Variants in DLC1 observed in about 807,000 individuals in gnomAD.
DLC1 encodes the protein rho GTPase-activating protein 7.
Under a neutral mutation model 140.3 loss-of-function variants are expected in DLC1, and 54 were observed. That is an observed-to-expected ratio of 0.38 (90% CI 0.31 to 0.48). The LOEUF is 0.48. DLC1 is among the 20% of genes least tolerant of loss of function. DLC1 has a pLI of 0.96. For synonymous variants in DLC1, 986 were observed against 728.1 expected, an observed-to-expected ratio of 1.35 and a Z score of -5.70; for missense variants, 2,536 against 1,907.0, an observed-to-expected ratio of 1.33 and a Z score of -6.14.
chr8:13,272,281 C>G (rs1340478878), intron 5 of DLC1, among the ~76,000 whole-genome samples: 2 of 152,036 alleles, frequency 1.3e-5, no homozygotes, highest in East Asian at 1.9e-4. Context: ...AACCCTGCCT[C>G]TACTAAAAAT....
chr8:13,587,782 A>C (rs1805381666), intron 1 of DLC1, among the ~76,000 whole-genome samples: 1 of 151,926 alleles, frequency 6.6e-6, no homozygotes, highest in African/African-American at 2.4e-5. Context: ...ATAATGTGCT[A>C]GTCAATCTTT....
chr8:13,499,887 G>T lies in DLC1; in HGVS notation c.185C>A (p.Pro62His). ...CAGCTCTGATCCATGACAGCAGTCA[G>T]GTAGTGAAACACACTTCTCTTTGCG... ...VDRKEKCVSL[P>H]DCCHGSELRD... Residue 62 changes from proline (P) to histidine (H), a missense_variant, in exon 2 of 18, where the codon CCT (proline) becomes CAT (histidine). Pro to His is a moderately conservative substitution (Grantham distance 77, BLOSUM62 -2). Coordinates refer to ENST00000276297, the MANE Select transcript of DLC1 (RefSeq NM_182643.3). 1 of 1,614,102 alleles carries T rather than the reference G, an allele frequency of 6.2e-7. No homozygotes were observed. The highest frequency in any genetic ancestry group is 8.5e-7 in the Non-Finnish European group (1 of 1,179,994).
intron 1 of DLC1, among the ~76,000 whole-genome samples, chr8:13,574,147 G>A (rs1245829841): frequency 6.6e-6 from 1 of 152,058 alleles, no homozygotes; most frequent in Non-Finnish European, 1.5e-5. Context: ...ACCTCTCCAG[G>A]GGTTGCATTT....
At chr8:13,147,642 A>T (rs1666091520) in intron 5 of DLC1, among the ~76,000 whole-genome samples, 1 of 152,090 alleles carries the variant, frequency 6.6e-6, no homozygotes, top group African/African-American at 2.4e-5. Flanking sequence ...AGAGTGTGGG[A>T]TCTCAAGGTA....
chr8:13,588,469 AAT>A (rs1369616569), intron 1 of DLC1, among the ~76,000 whole-genome samples: 1 of 152,152 alleles, frequency 6.6e-6, no homozygotes, highest in Non-Finnish European at 1.5e-5. Context: ...GAGGCAGCAG[AAT>A]ATTATCATTG....
intron 16 of DLC1, among the ~76,000 whole-genome samples, chr8:13,087,306 G>A (rs373063521): frequency 6.6e-6 from 1 of 152,340 alleles, no homozygotes; most frequent in Admixed American, 6.5e-5. Context: ...GGAGGCTGAG[G>A]GGGGAGGATT....
Position 13,100,580 on chromosome 8 carries a change from C to T in DLC1, c.1757G>A (p.Ser586Asn), listed in dbSNP as rs1818980700. ...GACGGAAGACACCTCCTGGCGCTCG[C>T]TGAGGTCCATCAGCGTGCCTCCGGG... ...PSPGGTLMDL[S>N]ERQEVSSVRS... Residue 586 changes from serine to asparagine, a missense_variant, in exon 9 of 18, where the codon AGC (serine) becomes AAC (asparagine). Coordinates refer to ENST00000276297, the MANE Select transcript of DLC1 (RefSeq NM_182643.3). 6.2e-7 allele frequency: 1 copy of T among 1,613,656 alleles called. No homozygotes were observed. Among genetic ancestry groups the T allele is most frequent in the Admixed American group, 1.7e-5 (1 of 59,990 alleles).
chr8:13,495,833 A>G (rs1292698785), intron 2 of DLC1, among the ~76,000 whole-genome samples: 4 of 152,216 alleles, frequency 2.6e-5, no homozygotes, highest in Non-Finnish European at 5.9e-5. Flanking sequence ...CACTATTTCA[A>G]TACATTTTGA....
intron 1 of DLC1, among the ~76,000 whole-genome samples, chr8:13,511,054 G>A (rs945935364): frequency 4.0e-5 from 6 of 151,692 alleles, no homozygotes; most frequent in African/African-American, 1.5e-4. Context: ...ATAATTCCTG[G>A]CAAGCTAGGT....
chr8:13,577,069 G>A (rs1013851848), intron 1 of DLC1, among the ~76,000 whole-genome samples: 7 of 152,108 alleles, frequency 4.6e-5, no homozygotes, highest in South Asian at 2.1e-4. Context: ...GGACGATGGC[G>A]TTAAGGTTGT....
At chr8:13,317,192 C>T (rs887265388) in intron 4 of DLC1, among the ~76,000 whole-genome samples, 5 of 152,158 alleles carry the variant, frequency 3.3e-5, no homozygotes, top group East Asian at 1.9e-4. Context: ...AGATTCAAAT[C>T]AAGTATAAGG....
intron 4 of DLC1, among the ~76,000 whole-genome samples, chr8:13,369,418 TTTG>T (rs1397146764): frequency 6.6e-6 from 1 of 152,142 alleles, no homozygotes; most frequent in Non-Finnish European, 1.5e-5. Context: ...TGCTTTTTCT[TTTG>T]TTGTTAAATC....
At chr8:13,544,272 A>G (rs917904856) in intron 1 of DLC1, among the ~76,000 whole-genome samples, 27 of 152,132 alleles carry the variant, frequency 1.8e-4, no homozygotes, top group African/African-American at 5.1e-4. Context: ...GACAAACCCA[A>G]TAATTTGCAA....
intron 1 of DLC1, among the ~76,000 whole-genome samples, chr8:13,580,215 C>G (rs576885836): frequency 6.6e-6 from 1 of 152,104 alleles, no homozygotes; most frequent in East Asian, 1.9e-4. Flanking sequence ...CTCTGCCTCC[C>G]TGGTTCACGC....
intron 1 of DLC1, chr8:13,566,806 G>C (rs957120854): frequency 4.4e-5 from 32 of 727,952 alleles, no homozygotes; most frequent in Middle Eastern, 4.1e-4. Context: ...GACGCCGCAT[G>C]GTGGCCAGTC....
chr8:13,447,106 C>T (rs79665252), intron 2 of DLC1, among the ~76,000 whole-genome samples: 4,288 of 151,196 alleles, frequency 0.028, 80 homozygotes, highest in African/African-American at 0.052. Context: ...CTAAAGCCTT[C>T]ATTGCATTAG....
intron 5 of DLC1, among the ~76,000 whole-genome samples, chr8:13,191,934 T>TTATTATTATTAC (rs1172516337): frequency 6.8e-6 from 1 of 148,096 alleles, no homozygotes; most frequent in African/African-American, 2.5e-5. Context: ...CTGATTATTA[T>TTATTATTATTAC]TATTATTATT....
chr8:13,192,967 C>T (rs1412730033), intron 5 of DLC1, among the ~76,000 whole-genome samples: 1 of 152,140 alleles, frequency 6.6e-6, no homozygotes, highest in African/African-American at 2.4e-5. Flanking sequence ...ATATGGCAGC[C>T]CAAGCAAACT....
At chr8:13,420,442 C>A (rs538325204) in intron 2 of DLC1, among the ~76,000 whole-genome samples, 27 of 152,160 alleles carry the variant, frequency 1.8e-4, no homozygotes, top group African/African-American at 6.5e-4. Context: ...TGCAAACTTG[C>A]AGGTTTGTTA....
Sources: gnomAD v4.1 joint callset for allele counts (sites outside exome capture counted in the v4.1 genomes callset) on GRCh38, gnomAD v4.1.1 for gene constraint, MANE v1.5 for transcripts, NCBI Gene and HGNC (gene_info 2026-07-23, HGNC 2026-07-21) for gene names.